WFDC1: variants seen among roughly 807,000 people sequenced by gnomAD.
The protein encoded by WFDC1 is WAP four-disulfide core domain protein 1.
A neutral mutation model predicts 32.9 loss-of-function variants in WFDC1; 39 were observed. The ratio of observed to expected loss-of-function variants is 1.19; its 90% CI spans 0.92 to 1.55. The LOEUF is 1.55. Among genes scored for constraint, WFDC1 ranks in the 40% most tolerant of loss-of-function variants. WFDC1 has a pLI of 0.00. For synonymous variants in WFDC1, 184 were observed against 137.4 expected, an observed-to-expected ratio of 1.34 and a Z score of -2.37; for missense variants, 386 against 309.5, an observed-to-expected ratio of 1.25 and a Z score of -1.85.
chr16:84,298,925 C>T (rs779564079), intron 1 of WFDC1, among the ~76,000 whole-genome samples: 7 of 152,212 alleles, frequency 4.6e-5, no homozygotes, highest in Non-Finnish European at 8.8e-5. Flanking sequence ...ATCTGAGCCT[C>T]GGTTTCCTCA....
Position 84,319,632 on chromosome 16 carries a change from C to T in WFDC1, c.562+61C>T, listed in dbSNP as rs78505111. 5,447 of 1,580,144 alleles carry T rather than the reference C, an allele frequency of 3.4e-3. 132 individuals carry two copies. In the African/African-American group the frequency reaches 0.06, roughly 18 times the overall value. ...GCCCCAGTCCCCTTCTCCCTGTAAG[C>T]GCCTCTCACCCGCATGGACGACCTG... is the stretch of plus-strand genomic sequence containing the variant. On this transcript the variant is annotated intron_variant, in intron 4 of 6. Coordinates refer to ENST00000219454, the MANE Select transcript of WFDC1 (RefSeq NM_021197.4).
At chr16:84,308,382 C>A (rs969360090) in intron 1 of WFDC1, among the ~76,000 whole-genome samples, 2 of 152,202 alleles carry the variant, frequency 1.3e-5, no homozygotes, top group Non-Finnish European at 2.9e-5. Context: ...GGAAGGACTG[C>A]GCTCGGTCCC....
intron 1 of WFDC1, 168 bp downstream of exon 1, chr16:84,295,283 GCTCACCCCC>G: frequency 2.5e-6 from 2 of 805,006 alleles, no homozygotes; most frequent in African/African-American, 1.7e-5. Context: ...GGCAGATGGG[GCTCACCCCC>G]AAAAAAGGAC....
chr16:84,308,024 A>G (rs758840231), intron 1 of WFDC1, among the ~76,000 whole-genome samples: 3 of 152,214 alleles, frequency 2.0e-5, no homozygotes, highest in Non-Finnish European at 4.4e-5. Context: ...ATATCCACCA[A>G]ATGCCAGCTT....
intron 6 of WFDC1, chr16:84,327,547 T>C (rs1213413397): frequency 2.0e-5 from 3 of 152,346 alleles, no homozygotes; most frequent in Non-Finnish European, 2.9e-5. Flanking sequence ...GTTTTTGTTA[T>C]ATAGTAGGTC....
intron 3 of WFDC1, 80 bp from the exon 4 acceptor site, chr16:84,319,351 G>C (rs1359914525): frequency 1.9e-6 from 3 of 1,554,180 alleles, no homozygotes; most frequent in African/African-American, 2.7e-5. Flanking sequence ...CCCGTCCCGG[G>C]AGTCTGCCTT....
At chr16:84,310,760 A>G (rs1208471350) in intron 1 of WFDC1, among the ~76,000 whole-genome samples, 1 of 152,208 alleles carries the variant, frequency 6.6e-6, no homozygotes, top group African/African-American at 2.4e-5. Context: ...ATGAGCCGCC[A>G]TATCCTGGCG....
chr16:84,312,460 A>G (rs1907687558), intron 1 of WFDC1, among the ~76,000 whole-genome samples: 1 of 152,242 alleles, frequency 6.6e-6, no homozygotes, highest in Non-Finnish European at 1.5e-5. Flanking sequence ...TCTGAGATGT[A>G]GCGATGTTGT....
chr16:84,318,580 A>C, intron 3 of WFDC1: 1 of 466,616 alleles, frequency 2.1e-6, no homozygotes, highest in Non-Finnish European at 3.9e-6. Context: ...GACTCTCCCC[A>C]AGAATGGAGC....
chr16:84,319,306 G>A lies in WFDC1; in HGVS notation c.422-125G>A, dbSNP rs922955096. ...AGCCTGGAACCTGGGGTACAGAGGCGAGGCCGCCTCTCTGGGTGAGGTGCG... is the reference window on the plus strand; with the variant it reads ...AGCCTGGAACCTGGGGTACAGAGGCAAGGCCGCCTCTCTGGGTGAGGTGCG... On this transcript the variant is annotated intron_variant, in intron 3 of 6. Coordinates refer to ENST00000219454, the MANE Select transcript of WFDC1 (RefSeq NM_021197.4). 3.6e-5 allele frequency: 50 copies of A among 1,379,402 alleles called. No homozygotes were observed. In the African/African-American group the frequency reaches 5.5e-4, roughly 15 times the overall value. 85.4% of individuals were successfully genotyped at this position (1,379,402 alleles called of 1,614,324 possible). A position where few individuals can be genotyped will look rare whatever the true frequency, so the allele number is the denominator to read the frequency against.
chr16:84,326,498 C>T, intron 5 of WFDC1: 1 of 215,338 alleles, frequency 4.6e-6, no homozygotes, highest in Non-Finnish European at 9.5e-6. Flanking sequence ...TATGAGGACA[C>T]CTTAGTCCAG....
At chr16:84,309,550 A>G (rs1167514880) in intron 1 of WFDC1, among the ~76,000 whole-genome samples, 3 of 152,020 alleles carry the variant, frequency 2.0e-5, no homozygotes, top group Non-Finnish European at 4.4e-5. Flanking sequence ...ACAGATATCA[A>G]GTTTCCAGGG....
intron 1 of WFDC1, among the ~76,000 whole-genome samples, chr16:84,311,687 C>A (rs553890275): frequency 0.01 from 1,348 of 133,886 alleles, 17 homozygotes; most frequent in African/African-American, 0.036. Flanking sequence ...AATGAGCATG[C>A]CTGACTGCTT....
At chr16:84,295,744 T>G in intron 1 of WFDC1, 1 of 152,612 alleles carries the variant, frequency 6.6e-6, no homozygotes, top group Non-Finnish European at 1.5e-5. Flanking sequence ...TGTCTGGGTG[T>G]GAATCGGGCT....
chr16:84,300,185 T>A (rs1335668805), intron 1 of WFDC1, among the ~76,000 whole-genome samples: 5 of 152,248 alleles, frequency 3.3e-5, no homozygotes, highest in Non-Finnish European at 5.9e-5. Flanking sequence ...GCCTGAAGGC[T>A]TTCTCTGGCT....
At chr16:84,311,320 C>T (rs1292511174) in intron 1 of WFDC1, among the ~76,000 whole-genome samples, 1 of 151,052 alleles carries the variant, frequency 6.6e-6, no homozygotes, top group Non-Finnish European at 1.5e-5. Context: ...TCTTGGCTCA[C>T]TGCAAGCTCC....
chr16:84,297,615 C>T (rs12919955), intron 1 of WFDC1, among the ~76,000 whole-genome samples: 14,392 of 59,148 alleles, frequency 0.24, 1,134 homozygotes, highest in Non-Finnish European at 0.31. Context: ...GAAACTCTGT[C>T]TCAAAAAAAA....
chr16:84,299,647 G>T (rs1906817616), intron 1 of WFDC1, among the ~76,000 whole-genome samples: 1 of 152,202 alleles, frequency 6.6e-6, no homozygotes, highest in South Asian at 2.1e-4. Flanking sequence ...CACCGGGTGG[G>T]GCCCATGGCA....
chr16:84,304,359 G>GGCACTC (rs1372955096), intron 1 of WFDC1, among the ~76,000 whole-genome samples: 2 of 152,162 alleles, frequency 1.3e-5, no homozygotes, highest in African/African-American at 4.8e-5. Context: ...CTCCTGAATA[G>GGCACTC]CTGGGATTAT....
Sources: allele counts gnomAD v4.1 joint callset (sites outside exome capture counted in the v4.1 genomes callset), GRCh38; gene constraint gnomAD v4.1.1; transcripts MANE v1.5; gene names NCBI Gene and HGNC (gene_info 2026-07-23, HGNC 2026-07-21).